STOX2: variants seen among roughly 807,000 people sequenced by gnomAD.
STOX2 encodes the protein storkhead-box protein 2.
Under a neutral mutation model 60.9 loss-of-function variants are expected in STOX2, and 28 were observed. The observed-to-expected ratio is 0.46, with a 90% CI of 0.34 to 0.63. The LOEUF is 0.63. STOX2 is among the 30% of genes least tolerant of loss of function. The pLI, the probability that STOX2 is intolerant of heterozygous loss-of-function variation, is 0.01. For missense variants in STOX2, 1,024 were observed against 1,187.7 expected, an observed-to-expected ratio of 0.86 and a Z score of 2.03; for synonymous variants, 472 against 463.9, an observed-to-expected ratio of 1.02 and a Z score of -0.22.
At chr4:183,990,971 C>G (rs1466721534) in intron 1 of STOX2, among the ~76,000 whole-genome samples, 1 of 152,082 alleles carries the variant, frequency 6.6e-6, no homozygotes, top group Non-Finnish European at 1.5e-5. Flanking sequence ...ACTAATAATT[C>G]GGATCATATC....
At chr4:183,994,443 A>G (rs1471890123) in intron 1 of STOX2, among the ~76,000 whole-genome samples, 2 of 152,320 alleles carry the variant, frequency 1.3e-5, no homozygotes, top group East Asian at 3.9e-4. Flanking sequence ...ATTATTAGCC[A>G]GTATATGGAG....
intron 1 of STOX2, among the ~76,000 whole-genome samples, chr4:183,823,105 T>C (rs1391223266): frequency 1.3e-5 from 2 of 152,214 alleles, no homozygotes; most frequent in Non-Finnish European, 2.9e-5. Context: ...TTTTTAAAAC[T>C]ATCACTTGGG....
chr4:183,850,781 C>T (rs1740098973), intron 1 of STOX2, among the ~76,000 whole-genome samples: 1 of 151,830 alleles, frequency 6.6e-6, no homozygotes, highest in East Asian at 1.9e-4. Context: ...CCTTCTCCTC[C>T]ATTCTTTCAT....
intron 1 of STOX2, among the ~76,000 whole-genome samples, chr4:183,982,823 CTT>C (rs1215914088): frequency 6.6e-6 from 1 of 152,136 alleles, no homozygotes; most frequent in African/African-American, 2.4e-5. Flanking sequence ...GTTAAGCACT[CTT>C]TACATTTTGT....
Position 184,011,784 on chromosome 4 carries a change from A to T in STOX2, c.2585+361A>T. On this transcript the variant is annotated intron_variant, in intron 3 of 3. Coordinates refer to ENST00000308497, the MANE Select transcript of STOX2 (RefSeq NM_020225.3). This position sits in a 1 kb window ranked among gnomAD's most constrained non-coding sequence, Gnocchi z 4.4. ...TCAAAAATAGTAACTTTTTGAGTAG[A>T]ATAAATAGTCTGGGGGCGGGGGAGG... 2.2e-6 allele frequency: 1 copy of T among 447,730 alleles called. No individual in the cohort carries two copies. Among genetic ancestry groups the T allele is most frequent in the South Asian group, 2.2e-5 (1 of 45,972 alleles). 27.7% of individuals were successfully genotyped at this position (447,730 alleles called of 1,614,324 possible).
intron 1 of STOX2, among the ~76,000 whole-genome samples, chr4:183,818,114 T>A (rs1043220953): frequency 4.0e-5 from 6 of 149,794 alleles, no homozygotes; most frequent in Non-Finnish European, 5.9e-5. Context: ...TTTTTTTTTT[T>A]AATTGATCAT....
At chr4:183,889,235 G>T (rs1054731985) in intron 1 of STOX2, among the ~76,000 whole-genome samples, 8 of 152,000 alleles carry the variant, frequency 5.3e-5, no homozygotes, top group Admixed American at 4.6e-4. Context: ...AGAGGAGGTT[G>T]TACTGGAGTA....
chr4:183,993,085 G>C (rs1733180005), intron 1 of STOX2, among the ~76,000 whole-genome samples: 1 of 152,270 alleles, frequency 6.6e-6, no homozygotes, highest in African/African-American at 2.4e-5. Context: ...TGGCGGTGGG[G>C]AAGGTGGCTC....
intron 1 of STOX2, among the ~76,000 whole-genome samples, chr4:183,925,304 C>T (rs942786145): frequency 2.0e-5 from 3 of 152,140 alleles, no homozygotes; most frequent in Admixed American, 1.3e-4. Context: ...GAAAGAGGTA[C>T]AACGGGTGAA....
chr4:183,848,898 G>A (rs1217137939), intron 1 of STOX2, among the ~76,000 whole-genome samples: 2 of 152,210 alleles, frequency 1.3e-5, no homozygotes, highest in African/African-American at 4.8e-5. Flanking sequence ...GGCCCAGGTG[G>A]AGGGAATAGA....
chr4:183,816,405 G>A (rs934013152), intron 1 of STOX2, among the ~76,000 whole-genome samples: 1 of 152,112 alleles, frequency 6.6e-6, no homozygotes, highest in Non-Finnish European at 1.5e-5. Flanking sequence ...GAAACAGAAA[G>A]TTAATATCAT....
At chr4:183,907,931 C>T (rs564748713) in intron 1 of STOX2, among the ~76,000 whole-genome samples, 2 of 152,082 alleles carry the variant, frequency 1.3e-5, no homozygotes, top group East Asian at 1.9e-4. Context: ...ATGGAAGAAC[C>T]GAGATTTTAT....
At chr4:183,908,592 G>GTT (rs10671305) in intron 1 of STOX2, among the ~76,000 whole-genome samples, 3,360 of 126,626 alleles carry the variant, frequency 0.027, 178 homozygotes, top group African/African-American at 0.093. Context: ...CAGGCAGCCA[G>GTT]TTTTTTTTTT....
chr4:183,977,949 G>C (rs185974070), intron 1 of STOX2, among the ~76,000 whole-genome samples: 3 of 152,020 alleles, frequency 2.0e-5, no homozygotes, highest in Non-Finnish European at 4.4e-5. Flanking sequence ...GGGGTTACTT[G>C]TTTCTTTCTT....
rs150201044 is a variant in STOX2 at position 183,849,746 on chromosome 4, G to A, written c.364+51691G>A. Among the ~76,000 whole-genome samples, 194 of 152,228 alleles carry A rather than the reference G, an allele frequency of 1.3e-3. 1 individual carries two copies. Among genetic ancestry groups the A allele is most frequent in the African/African-American group, 4.6e-3 (192 of 41,554 alleles). On this transcript the variant is annotated intron_variant, in intron 1 of 2. Transcript: ENST00000513034. ...CGGGATCAGGATGGAGTGAGATTGC[G>A]AAGGGAGAGGGCGTTGGGAGTTCGG...
chr4:183,867,295 T>A (rs562848190), intron 1 of STOX2, among the ~76,000 whole-genome samples: 1 of 152,336 alleles, frequency 6.6e-6, no homozygotes, highest in East Asian at 1.9e-4. Flanking sequence ...CAGATTACCT[T>A]TAAAACTTAG....
Position 183,954,729 on chromosome 4 carries a change from A to G in STOX2, c.167-46596A>G, listed in dbSNP as rs535339363. ...ACAATTGCCTGATCGCTTCCCCACC[A>G]ATATTTATTTATTTATTTATGTATT... is the stretch of plus-strand genomic sequence containing the variant. On this transcript the variant is annotated intron_variant, in intron 1 of 3. Transcript: ENST00000308497. 2.6e-5 allele frequency among the ~76,000 whole-genome samples: 4 copies of G among 152,096 alleles called. No homozygotes were observed. In the East Asian group the frequency reaches 7.8e-4, roughly 29 times the overall value.
At chr4:183,950,438 G>T (rs1031951967) in intron 1 of STOX2, among the ~76,000 whole-genome samples, 3 of 152,236 alleles carry the variant, frequency 2.0e-5, no homozygotes, top group Admixed American at 6.5e-5. Context: ...TGGGCAGGAT[G>T]CTCCTGGGGC....
intron 1 of STOX2, among the ~76,000 whole-genome samples, chr4:183,980,818 A>G (rs917577316): frequency 1.3e-5 from 2 of 152,104 alleles, no homozygotes; most frequent in African/African-American, 4.8e-5. Flanking sequence ...TCTGCTTTGT[A>G]AAAATATGGC....
Sources: gnomAD v4.1 joint callset for allele counts (sites outside exome capture counted in the v4.1 genomes callset) on GRCh38, gnomAD v4.1.1 for gene constraint, Gnocchi (gnomAD v3.1) non-coding constraint, MANE v1.5 for transcripts, NCBI Gene and HGNC (gene_info 2026-07-23, HGNC 2026-07-21) for gene names.